TANC2: variants seen among roughly 807,000 people sequenced by gnomAD.
TANC2 encodes the protein protein TANC2.
In TANC2, 26 loss-of-function variants were observed where a neutral mutation model predicts 210.5. That is an observed-to-expected ratio of 0.12 (90% CI 0.09 to 0.17). The LOEUF (loss-of-function observed/expected upper bound fraction) is 0.17, where lower values mean the gene tolerates loss of function less well. TANC2 is among the 10% of genes least tolerant of loss of function. The pLI is 1.00. For missense variants in TANC2, 2,129 were observed against 2,608.9 expected (o/e 0.82, Z 4.01); for synonymous variants, 931 against 967.1 (o/e 0.96, Z 0.69).
At chr17:63,365,472 TCCA>T (rs1234887743) in intron 14 of TANC2, among the ~76,000 whole-genome samples, 1 of 152,158 alleles carries the variant, frequency 6.6e-6, no homozygotes, top group Non-Finnish European at 1.5e-5. Flanking sequence ...GAGTCCATTC[TCCA>T]CCAGCAGCCA....
chr17:63,328,376 A>ATGTGTGTG (rs61546119), intron 11 of TANC2, among the ~76,000 whole-genome samples: 102 of 147,132 alleles, frequency 6.9e-4, no homozygotes, highest in African/African-American at 2.2e-3. Context: ...GTATGTGTAT[A>ATGTGTGTG]TGTGTGTGTG....
chr17:63,140,357 A>ACAACAAATGTTGGTTTCTAATTCACC (rs1192599313), intron 4 of TANC2, among the ~76,000 whole-genome samples: 1 of 152,354 alleles, frequency 6.6e-6, no homozygotes, highest in East Asian at 1.9e-4. Context: ...GCAGATTCAT[A>ACAACAAATGTTGGTTTCTAATTCACC]CAACAAATGT....
intron 8 of TANC2, among the ~76,000 whole-genome samples, chr17:63,243,599 A>G (rs1454413804): frequency 1.3e-5 from 2 of 152,222 alleles, no homozygotes; most frequent in African/African-American, 4.8e-5. Flanking sequence ...TGTATAAAGT[A>G]TGTACATTGA....
In TANC2 at chr17:63,421,819, A is replaced by G; in HGVS notation, c.6089A>G (p.Asp2030Gly). 1 of 1,613,984 alleles carries G rather than the reference A, an allele frequency of 6.2e-7. No homozygotes were observed. The highest frequency in any genetic ancestry group is 1.1e-5 in the South Asian group (1 of 91,072). ...GTCAGCCAGGCCTCCTCCTATCCCG[A>G]CGTGAAGGTAGCTCGGACTCTACCT... Residue 2030 changes from aspartate (D) to glycine (G), a missense_variant, in exon 28 of 28, where the codon GAC becomes GGC. Physicochemically the swap from Asp to Gly is moderately conservative, Grantham distance 94 (BLOSUM62 -1). Coordinates refer to ENST00000689528, the Ensembl canonical transcript of TANC2. This position sits in a 1 kb window ranked among gnomAD's most constrained non-coding sequence, Gnocchi z 6.9.
At chr17:63,323,981 T>C (rs1265723999) in intron 11 of TANC2, among the ~76,000 whole-genome samples, 1 of 152,256 alleles carries the variant, frequency 6.6e-6, no homozygotes, top group Non-Finnish European at 1.5e-5. Context: ...ACGAAGCTGC[T>C]TCTCTAGTGT....
chr17:63,251,855 A>G (rs978599244), intron 8 of TANC2, among the ~76,000 whole-genome samples: 11 of 152,158 alleles, frequency 7.2e-5, no homozygotes, highest in Non-Finnish European at 8.8e-5. Flanking sequence ...AAATTGAGAA[A>G]TGTGCTCATG....
intron 8 of TANC2, among the ~76,000 whole-genome samples, chr17:63,238,784 T>C (rs1313365262): frequency 6.6e-6 from 1 of 152,152 alleles, no homozygotes; most frequent in Non-Finnish European, 1.5e-5. Context: ...GGGAAACTTA[T>C]AATCATGGCA....
chr17:63,097,770 C>G (rs2037444282), intron 3 of TANC2, among the ~76,000 whole-genome samples: 1 of 151,998 alleles, frequency 6.6e-6, no homozygotes, highest in Non-Finnish European at 1.5e-5. Flanking sequence ...TGATAGTATC[C>G]TTTGTTGCAT....
chr17:63,023,968 T>C, intron 2 of TANC2, among the ~76,000 whole-genome samples: 1 of 152,252 alleles, frequency 6.6e-6, no homozygotes, highest in East Asian at 1.9e-4. Flanking sequence ...CACACTCATG[T>C]GTTCATATCT....
At chr17:63,388,867 A>T (rs1375170584) in intron 16 of TANC2, 110 bp downstream of exon 16, 3 of 765,026 alleles carry the variant, frequency 3.9e-6, no homozygotes, top group Non-Finnish European at 3.8e-6. Context: ...CTTTCTTATT[A>T]GCCTTTTATT....
intron 12 of TANC2, among the ~76,000 whole-genome samples, chr17:63,346,886 T>C (rs1448542810): frequency 1.3e-5 from 2 of 151,602 alleles, no homozygotes; most frequent in Non-Finnish European, 2.9e-5. Context: ...TTTTTTTTTT[T>C]CAGAGATGGG....
intron 9 of TANC2, among the ~76,000 whole-genome samples, chr17:63,300,863 A>G (rs2146488002): frequency 6.6e-6 from 1 of 152,198 alleles, no homozygotes; most frequent in East Asian, 1.9e-4. Context: ...GCCGGTTTTC[A>G]AAGGGAATGC....
At chr17:63,180,132 T>A (rs2040730327) in intron 5 of TANC2, among the ~76,000 whole-genome samples, 1 of 152,100 alleles carries the variant, frequency 6.6e-6, no homozygotes, top group South Asian at 2.1e-4. Context: ...AGACCCTATC[T>A]CAAAAAAACA....
intron 19 of TANC2, among the ~76,000 whole-genome samples, chr17:63,402,792 T>A (rs2048382500): frequency 1.3e-5 from 2 of 152,250 alleles, no homozygotes; most frequent in Admixed American, 1.3e-4. Flanking sequence ...TGTTTGCAGT[T>A]TGGTGTTTTA....
intron 14 of TANC2, among the ~76,000 whole-genome samples, chr17:63,379,062 A>T (rs1386752001): frequency 6.6e-6 from 1 of 152,234 alleles, no homozygotes; most frequent in Non-Finnish European, 1.5e-5. Flanking sequence ...GCGAGGAAAG[A>T]ATAGGACCAA....
chr17:63,269,439 A>G (rs2043629896), intron 9 of TANC2, among the ~76,000 whole-genome samples: 1 of 152,174 alleles, frequency 6.6e-6, no homozygotes, highest in South Asian at 2.1e-4. Flanking sequence ...GCCGTAATAA[A>G]GAAGATTGGA....
intron 3 of TANC2, among the ~76,000 whole-genome samples, chr17:63,086,997 T>C (rs2036994196): frequency 2.0e-5 from 3 of 152,222 alleles, no homozygotes; most frequent in Admixed American, 6.5e-5. Flanking sequence ...GGCAACTCAC[T>C]GGCGTCCCTT....
intron 14 of TANC2, among the ~76,000 whole-genome samples, chr17:63,361,819 G>A (rs1390825999): frequency 6.6e-6 from 1 of 152,230 alleles, no homozygotes; most frequent in Non-Finnish European, 1.5e-5. Flanking sequence ...GCAGAGAGGA[G>A]CTTCATTGAG....
At chr17:63,133,746 G>A (rs1375180250) in intron 4 of TANC2, among the ~76,000 whole-genome samples, 1 of 152,128 alleles carries the variant, frequency 6.6e-6, no homozygotes, top group Non-Finnish European at 1.5e-5. Flanking sequence ...CAACATGAGT[G>A]CATTGTGTAT....
Sources: allele counts gnomAD v4.1 joint callset (sites outside exome capture counted in the v4.1 genomes callset), GRCh38; gene constraint gnomAD v4.1.1; non-coding constraint Gnocchi (gnomAD v3.1); transcripts MANE v1.5; gene names NCBI Gene and HGNC (gene_info 2026-07-23, HGNC 2026-07-21).